Variants in SUCO observed in about 807,000 individuals in gnomAD.
SUCO encodes the protein SUN domain containing ossification factor, also known as SUN domain-containing ossification factor.
A neutral mutation model predicts 148.1 loss-of-function variants in SUCO; 57 were observed. The observed-to-expected ratio is 0.38, with a 90% confidence interval of 0.31 to 0.48. The LOEUF (loss-of-function observed/expected upper bound fraction) is 0.48. Among genes scored for constraint, SUCO ranks in the 20% least tolerant of loss-of-function variants. SUCO has a pLI of 0.96. For missense variants in SUCO, 1,331 were observed against 1,468.2 expected (o/e 0.91, Z 1.53); for synonymous variants, 470 against 502.7 (o/e 0.93, Z 0.87).
In SUCO at chr1:172,589,425, A is replaced by G. The variant is rs1165748685; in HGVS notation, c.2324A>G (p.Asn775Ser). The G allele has an allele frequency of 6.2e-7, 1 of 1,613,412 alleles. No individual in the cohort carries two copies. Among genetic ancestry groups the G allele is most frequent in the Non-Finnish European group, 8.5e-7 (1 of 1,179,750 alleles). ...CAAGAGAGTTCTGTTGAGATCGATA[A>G]TGAAACAGAACAAAAGTCTGAGAGC... ...IPQESSVEID[N>S]ETEQKSESFS... The change falls in exon 18 of 24, where the codon AAT (asparagine) becomes AGT (serine). Residue 775 changes from asparagine (N) to serine (S), a missense_variant. Asn to Ser is a conservative substitution (Grantham distance 46). Around this residue, in one of 3 missense-constraint regions of SUCO, gnomAD observed 992 missense variants for 1,093.5 expected, o/e 0.91. Coordinates refer to ENST00000263688, the MANE Select transcript of SUCO (RefSeq NM_014283.5).
intron 23 of SUCO, among the ~76,000 whole-genome samples, chr1:172,609,080 T>C (rs1658044687): frequency 2.0e-5 from 3 of 152,090 alleles, no homozygotes; most frequent in Admixed American, 6.6e-5. Flanking sequence ...GCCTAAAATA[T>C]TTACTGTCTG....
intron 15 of SUCO, 55 bp from the exon 16 acceptor site, chr1:172,584,963 T>A: frequency 2.6e-6 from 3 of 1,157,150 alleles, no homozygotes; most frequent in Non-Finnish European, 3.7e-6. Flanking sequence ...CTGATATTAA[T>A]TTATATTAGA....
chr1:172,570,874 A>G (rs1388617990), intron 9 of SUCO, 144 bp downstream of exon 9: 5 of 548,422 alleles, frequency 9.1e-6, no homozygotes, highest in East Asian at 6.4e-5. Flanking sequence ...AACTGAGGAC[A>G]AAATGCCTTC....
intron 1 of SUCO, among the ~76,000 whole-genome samples, chr1:172,534,237 T>A (rs1651845878): frequency 6.6e-6 from 1 of 152,152 alleles, no homozygotes; most frequent in African/African-American, 2.4e-5. Context: ...TCCCAGGCAC[T>A]TCTGGAGTTT....
At chr1:172,561,160 C>G (rs1046941493) in intron 6 of SUCO, among the ~76,000 whole-genome samples, 4 of 152,214 alleles carry the variant, frequency 2.6e-5, no homozygotes, top group African/African-American at 7.2e-5. Flanking sequence ...CAGAGCATTG[C>G]AGGGAAACTT....
intron 13 of SUCO, among the ~76,000 whole-genome samples, chr1:172,578,053 A>C (rs1191560738): frequency 3.3e-5 from 5 of 151,832 alleles, no homozygotes; most frequent in African/African-American, 9.7e-5. Context: ...TGCTATGATG[A>C]TAATACACAG....
At chr1:172,568,305 T>TACCACC in intron 6 of SUCO, 1 of 905,988 alleles carries the variant, frequency 1.1e-6, no homozygotes, top group Non-Finnish European at 1.3e-6. Context: ...ATTCTTTGCT[T>TACCACC]CCCACCCACC....
intron 6 of SUCO, 55 bp downstream of exon 6, chr1:172,557,849 T>C: frequency 2.3e-6 from 3 of 1,332,244 alleles, no homozygotes; most frequent in Non-Finnish European, 3.1e-6. Context: ...ATTTTTGTTA[T>C]TAGCTAAGCT....
intron 17 of SUCO, among the ~76,000 whole-genome samples, chr1:172,587,462 T>C (rs1656322948): frequency 1.3e-5 from 2 of 152,114 alleles, no homozygotes; most frequent in Non-Finnish European, 2.9e-5. Flanking sequence ...TTTACCAAAT[T>C]CAATATAATT....
At chr1:172,585,793 G>T in intron 16 of SUCO, 65 bp from the exon 17 acceptor site, 1 of 1,140,658 alleles carries the variant, frequency 8.8e-7, no homozygotes, top group South Asian at 1.7e-5. Context: ...ATTTGTTTTA[G>T]TAAAATATTT....
At chr1:172,577,409 G>C (rs1357502121) in intron 11 of SUCO, 130 bp from the exon 12 acceptor site, 1 of 859,346 alleles carries the variant, frequency 1.2e-6, no homozygotes, top group Non-Finnish European at 1.7e-6. Flanking sequence ...GAATACTACA[G>C]TGTTATCCAT....
At chr1:172,602,262 G>A (rs778941167) in intron 21 of SUCO, 44 bp downstream of exon 21, 4 of 1,490,390 alleles carry the variant, frequency 2.7e-6, no homozygotes, top group Non-Finnish European at 2.7e-6. Flanking sequence ...TTTTTACTAT[G>A]CTTTGTATAT....
chr1:172,575,887 G>A (rs1255509742), intron 11 of SUCO, among the ~76,000 whole-genome samples: 1 of 151,736 alleles, frequency 6.6e-6, no homozygotes, highest in Non-Finnish European at 1.5e-5. Flanking sequence ...AGTTTTTTGA[G>A]TCTTTATGCA....
rs940055519 is a variant in SUCO, at chr1:172,610,187, T to A, written c.3693T>A (p.His1231Gln). Residue 1231 changes from histidine (H) to glutamine (Q), a missense_variant, in exon 24 of 24, where the codon CAT becomes CAA. Physicochemically the swap from His to Gln is conservative, Grantham distance 24 (BLOSUM62 0). Transcript: ENST00000263688. ...QTKSGSLPSLHDIIKGNKEIT... is the reference protein window; with the variant it reads ...QTKSGSLPSLQDIIKGNKEIT... ...AGTCGGGATCATTGCCGAGCCTGCA[T>A]GACATAATCAAAGGAAACAAAGAGA... The A allele has an allele frequency of 6.2e-7, 1 of 1,612,894 alleles. No homozygotes were observed. Among genetic ancestry groups the A allele is most frequent in the African/African-American group, 1.3e-5 (1 of 74,840 alleles).
At chr1:172,532,685 C>A (rs1185840409), upstream of SUCO, 1 of 1,613,638 alleles carries the variant, frequency 6.2e-7, no homozygotes, top group African/African-American at 1.3e-5. Flanking sequence ...CTATAGACTT[C>A]TCTAACAAAA....
chr1:172,566,850 G>A (rs1278244815), intron 6 of SUCO, among the ~76,000 whole-genome samples: 3 of 152,178 alleles, frequency 2.0e-5, no homozygotes, highest in Non-Finnish European at 4.4e-5. Context: ...TGTTTTATGT[G>A]GGCATGCATA....
At chr1:172,560,857 C>T (rs1654098515) in intron 6 of SUCO, among the ~76,000 whole-genome samples, 1 of 152,216 alleles carries the variant, frequency 6.6e-6, no homozygotes, top group Non-Finnish European at 1.5e-5. Flanking sequence ...TTCATGGCCA[C>T]AAAGAAAAAT....
At chr1:172,555,067 T>C (rs1653626109) in intron 3 of SUCO, among the ~76,000 whole-genome samples, 1 of 152,168 alleles carries the variant, frequency 6.6e-6, no homozygotes, top group African/African-American at 2.4e-5. Flanking sequence ...ACCTCTCACT[T>C]GATATTCATT....
rs563119141 is a variant in SUCO, at chr1:172,604,935, T to A, written c.3265+2148T>A. ...ATCCATTCATCTGTAAGTGGACATT[T>A]GGATTGCTTCCCCTCTTGGCTGTTG... On this transcript the variant is annotated intron_variant, in intron 22 of 23. Transcript: ENST00000263688. 3.9e-5 allele frequency among the ~76,000 whole-genome samples: 6 copies of A among 152,026 alleles called. No individual in the cohort carries two copies. The East Asian group carries it at 9.6e-4, about 24-fold the overall frequency.
Sources: allele counts gnomAD v4.1 joint callset (sites outside exome capture counted in the v4.1 genomes callset), GRCh38; gene constraint gnomAD v4.1.1; regional missense constraint gnomAD v4.1.1; transcripts MANE v1.5; gene names NCBI Gene and HGNC (gene_info 2026-07-23, HGNC 2026-07-21).